CLSTN2: variants seen among roughly 807,000 people sequenced by gnomAD.
CLSTN2 encodes the protein calsyntenin 2, also known as calsyntenin-2.
In CLSTN2, 48 loss-of-function variants were observed where a neutral mutation model predicts 101.2. That is an observed-to-expected ratio of 0.47 (90% CI 0.38 to 0.60). The LOEUF is 0.60. CLSTN2 is among the 20% of genes least tolerant of loss of function. CLSTN2 has a pLI of 0.00. For synonymous variants in CLSTN2, 481 were observed against 463.6 expected (o/e 1.04, Z -0.48); for missense variants, 1,160 against 1,238.2 (o/e 0.94, Z 0.95).
intron 2 of CLSTN2, among the ~76,000 whole-genome samples, chr3:140,227,978 G>T (rs962671161): frequency 5.3e-5 from 8 of 152,300 alleles, no homozygotes; most frequent in Admixed American, 1.3e-4. Context: ...GATGGGAGGG[G>T]CTGCCACAAA....
chr3:140,399,354 C>A (rs1433964805), intron 2 of CLSTN2, among the ~76,000 whole-genome samples: 1 of 152,214 alleles, frequency 6.6e-6, no homozygotes, highest in African/African-American at 2.4e-5. Flanking sequence ...ATGTGTCTTA[C>A]ACTGACACTG....
chr3:140,052,241 C>A (rs549542254), intron 1 of CLSTN2, among the ~76,000 whole-genome samples: 1 of 152,162 alleles, frequency 6.6e-6, no homozygotes, highest in African/African-American at 2.4e-5. Flanking sequence ...TCACTGCAAC[C>A]TCCACCTCCT....
At chr3:140,532,892 TC>T (rs776965348) in intron 9 of CLSTN2, among the ~76,000 whole-genome samples, 1 of 152,226 alleles carries the variant, frequency 6.6e-6, no homozygotes. Context: ...CCACACAAAT[TC>T]TTTAAGCCCC....
chr3:140,354,357 T>C (rs2087642263), intron 2 of CLSTN2, among the ~76,000 whole-genome samples: 1 of 152,236 alleles, frequency 6.6e-6, no homozygotes, highest in Non-Finnish European at 1.5e-5. Flanking sequence ...AGACATCTCA[T>C]GCCCTTTAAT....
At chr3:140,093,482 A>T (rs1488474444) in intron 1 of CLSTN2, among the ~76,000 whole-genome samples, 2 of 151,924 alleles carry the variant, frequency 1.3e-5, no homozygotes, top group African/African-American at 4.8e-5. Context: ...TACCTTCAAT[A>T]TTGGAGTTTA....
chr3:139,958,917 G>A (rs1576376607), intron 1 of CLSTN2, among the ~76,000 whole-genome samples: 1 of 150,488 alleles, frequency 6.6e-6, no homozygotes, highest in African/African-American at 2.5e-5. Flanking sequence ...CCTGTTTGGT[G>A]TCAGATCTAT....
chr3:140,071,328 G>A (rs1423523610), intron 1 of CLSTN2, among the ~76,000 whole-genome samples: 1 of 151,964 alleles, frequency 6.6e-6, no homozygotes, highest in African/African-American at 2.4e-5. Context: ...CAGAAAAGGA[G>A]GGTTGATGTA....
chr3:140,211,341 C>T (rs1181327424), intron 2 of CLSTN2, among the ~76,000 whole-genome samples: 1 of 149,224 alleles, frequency 6.7e-6, no homozygotes, highest in Non-Finnish European at 1.5e-5. Context: ...GTTCTCAATT[C>T]TCCATGACCA....
chr3:140,548,386 A>G (rs1935642716), intron 10 of CLSTN2, among the ~76,000 whole-genome samples: 1 of 152,236 alleles, frequency 6.6e-6, no homozygotes, highest in Admixed American at 6.5e-5. Flanking sequence ...ACACTTGTAC[A>G]TGAGGAACGA....
At chr3:140,094,963 G>T (rs1002411121) in intron 1 of CLSTN2, among the ~76,000 whole-genome samples, 2 of 152,148 alleles carry the variant, frequency 1.3e-5, no homozygotes, top group African/African-American at 4.8e-5. Context: ...GGAGTCAGTG[G>T]GACTTCAAGG....
At chr3:140,253,411 T>G (rs770726728) in intron 2 of CLSTN2, among the ~76,000 whole-genome samples, 17 of 152,030 alleles carry the variant, frequency 1.1e-4, no homozygotes, top group Non-Finnish European at 2.2e-4. Flanking sequence ...ACTGGAGGAG[T>G]CTGACGTTCC....
At chr3:140,550,949 G>C (rs1935689385) in intron 10 of CLSTN2, among the ~76,000 whole-genome samples, 1 of 151,728 alleles carries the variant, frequency 6.6e-6, no homozygotes, top group Non-Finnish European at 1.5e-5. Flanking sequence ...CGTGTGAGAA[G>C]TTAATAAGAC....
chr3:140,130,263 A>C (rs560870032), intron 1 of CLSTN2, among the ~76,000 whole-genome samples: 21 of 152,190 alleles, frequency 1.4e-4, no homozygotes, highest in Non-Finnish European at 2.9e-4. Context: ...TGGGAATGGC[A>C]GTAGCAAACT....
At chr3:139,939,045 G>A (rs1935078554) in intron 1 of CLSTN2, among the ~76,000 whole-genome samples, 1 of 152,062 alleles carries the variant, frequency 6.6e-6, no homozygotes, top group East Asian at 1.9e-4. Flanking sequence ...TAAGAGAGTG[G>A]CAGCGGAGAG....
chr3:140,563,905 C>G, intron 15 of CLSTN2, 56 bp from the exon 16 acceptor site: 1 of 1,562,830 alleles, frequency 6.4e-7, no homozygotes, highest in Non-Finnish European at 8.8e-7. Flanking sequence ...TGCTCCCTCA[C>G]AAGAATGAGC....
At chr3:140,515,994 A>ATTG (rs59068853) in intron 8 of CLSTN2, among the ~76,000 whole-genome samples, 58,143 of 151,814 alleles carry the variant, frequency 0.38, 12,546 homozygotes, top group African/African-American at 0.59. Context: ...TCTAGTAGTA[A>ATTG]TTGTATAAAT....
chr3:140,145,555 C>G (rs938382198), intron 1 of CLSTN2, among the ~76,000 whole-genome samples: 1 of 152,234 alleles, frequency 6.6e-6, no homozygotes, highest in African/African-American at 2.4e-5. Flanking sequence ...AGAAATTTCT[C>G]TTGACCATCT....
At chr3:140,053,272 C>A (rs1576411024) in intron 1 of CLSTN2, among the ~76,000 whole-genome samples, 1 of 152,192 alleles carries the variant, frequency 6.6e-6, no homozygotes, top group Non-Finnish European at 1.5e-5. Flanking sequence ...GTGACCTTGG[C>A]CCCTTCAGCC....
At chr3:140,554,944 T>TA (rs1935767117) in intron 10 of CLSTN2, among the ~76,000 whole-genome samples, 1 of 152,254 alleles carries the variant, frequency 6.6e-6, no homozygotes, top group Non-Finnish European at 1.5e-5. Context: ...TCACTGATTA[T>TA]ATATTTATAA....
Sources: allele counts gnomAD v4.1 joint callset (sites outside exome capture counted in the v4.1 genomes callset), GRCh38; gene constraint gnomAD v4.1.1; transcripts MANE v1.5; gene names NCBI Gene and HGNC (gene_info 2026-07-23, HGNC 2026-07-21).